The following CDK19 variants were observed in gnomAD, a reference collection of about 807,000 sequenced individuals.
CDK19 encodes the protein cyclin dependent kinase 19.
Under a neutral mutation model 68.3 loss-of-function variants are expected in CDK19, and 20 were observed. That is an observed-to-expected ratio of 0.29 (90% CI 0.21 to 0.43). CDK19 has a LOEUF of 0.43. CDK19 is among the 20% of genes least tolerant of loss of function. CDK19 has a pLI of 1.00. For missense variants in CDK19, 339 were observed against 623.5 expected, an observed-to-expected ratio of 0.54 and a Z score of 4.86; for synonymous variants, 221 against 222.8, an observed-to-expected ratio of 0.99 and a Z score of 0.07.
chr6:110,669,017 A>G (rs1770762627), intron 3 of CDK19, among the ~76,000 whole-genome samples: 1 of 152,214 alleles, frequency 6.6e-6, no homozygotes, highest in Non-Finnish European at 1.5e-5. Flanking sequence ...ACAGTTCTAC[A>G]GGATCTGACT....
rs1334282844 is a variant in CDK19, at chr6:110,718,134, T to C, written c.204+27992A>G. Among the ~76,000 whole-genome samples, 13 of 152,294 alleles carry C rather than the reference T, an allele frequency of 8.5e-5. No individual in the cohort carries two copies. The South Asian group carries it at 2.7e-3, about 32-fold the overall frequency. On this transcript the variant is annotated intron_variant, in intron 2 of 12. Coordinates refer to ENST00000368911, the MANE Select transcript of CDK19 (RefSeq NM_015076.5). ...CTTGATCTTGACCCCAAATTTCTGT[T>C]GCCTGTAAGTTACCCAGTCCAAAGT...
chr6:110,790,546 A>G (rs979430114), intron 1 of CDK19, among the ~76,000 whole-genome samples: 32 of 152,204 alleles, frequency 2.1e-4, no homozygotes, highest in South Asian at 1.7e-3. Flanking sequence ...AAAAATAATA[A>G]AATAAAATAA....
chr6:110,624,219 G>C, intron 8 of CDK19, among the ~76,000 whole-genome samples: 1 of 151,996 alleles, frequency 6.6e-6, no homozygotes. Flanking sequence ...AGAACACTCA[G>C]AGTCTACCCT....
chr6:110,705,707 A>G (rs1224671075), intron 2 of CDK19, among the ~76,000 whole-genome samples: 1 of 152,216 alleles, frequency 6.6e-6, no homozygotes, highest in Non-Finnish European at 1.5e-5. Context: ...GCGGAAACAG[A>G]TAACAATTTC....
chr6:110,622,735 G>T, intron 10 of CDK19, 80 bp downstream of exon 10: 1 of 872,706 alleles, frequency 1.1e-6, no homozygotes, highest in Non-Finnish European at 2.0e-6. Context: ...TACTTCAGTA[G>T]CAAGTGCTTC....
chr6:110,726,611 C>T (rs1360787426), intron 2 of CDK19, among the ~76,000 whole-genome samples: 1 of 152,080 alleles, frequency 6.6e-6, no homozygotes, highest in African/African-American at 2.4e-5. Flanking sequence ...GTGGTTTGGA[C>T]TTATAATTTT....
chr6:110,747,199 T>G (rs1778138184), intron 1 of CDK19, among the ~76,000 whole-genome samples: 1 of 152,186 alleles, frequency 6.6e-6, no homozygotes, highest in African/African-American at 2.4e-5. Context: ...TTTTCCCCAT[T>G]CTATGTTTAC....
chr6:110,778,200 G>T (rs1389973121), intron 1 of CDK19, among the ~76,000 whole-genome samples: 1 of 151,822 alleles, frequency 6.6e-6, no homozygotes, highest in African/African-American at 2.4e-5. Context: ...ATCTAAAAAA[G>T]GAATTGCAAA....
intron 1 of CDK19, among the ~76,000 whole-genome samples, chr6:110,788,990 G>C (rs1429838734): frequency 6.6e-6 from 1 of 152,126 alleles, no homozygotes; most frequent in East Asian, 1.9e-4. Context: ...AGAACCACAA[G>C]TGATCACTTT....
intron 6 of CDK19, among the ~76,000 whole-genome samples, chr6:110,629,758 A>G (rs1276571487): frequency 1.3e-5 from 2 of 152,182 alleles, no homozygotes; most frequent in African/African-American, 4.8e-5. Flanking sequence ...AAGCCCTAAG[A>G]TAACTGATTT....
chr6:110,730,962 G>A (rs773710245), intron 2 of CDK19, among the ~76,000 whole-genome samples: 2 of 152,016 alleles, frequency 1.3e-5, no homozygotes, highest in African/African-American at 2.4e-5. Flanking sequence ...TGAGGCAGGA[G>A]AATCATTTGA....
intron 8 of CDK19, among the ~76,000 whole-genome samples, chr6:110,624,323 G>T (rs1778950225): frequency 6.6e-6 from 1 of 151,610 alleles, no homozygotes; most frequent in Admixed American, 6.6e-5. Flanking sequence ...GAGCAAAGGG[G>T]TATTCATTTT....
chr6:110,734,520 G>GCGCT (rs1554214772), intron 2 of CDK19, among the ~76,000 whole-genome samples: 8 of 85,734 alleles, frequency 9.3e-5, no homozygotes, highest in Non-Finnish European at 1.9e-4. Flanking sequence ...GGTGAGCACT[G>GCGCT]CTCTCTCTCT....
At chr6:110,690,634 A>T (rs1288500122) in intron 2 of CDK19, among the ~76,000 whole-genome samples, 1 of 152,240 alleles carries the variant, frequency 6.6e-6, no homozygotes, top group Admixed American at 6.5e-5. Context: ...CCACAAAGGA[A>T]TAAGATAAGC....
chr6:110,672,097 T>C (rs1373285268), intron 2 of CDK19, among the ~76,000 whole-genome samples: 1 of 152,180 alleles, frequency 6.6e-6, no homozygotes, highest in Non-Finnish European at 1.5e-5. Flanking sequence ...GCAAACCCTG[T>C]TTTTAATGAC....
intron 3 of CDK19, among the ~76,000 whole-genome samples, chr6:110,669,041 A>G (rs890482962): frequency 6.6e-6 from 1 of 152,220 alleles, no homozygotes; most frequent in Non-Finnish European, 1.5e-5. Flanking sequence ...CCAATGTACA[A>G]CATCATCTTC....
chr6:110,736,221 A>G (rs1777243110), intron 2 of CDK19, among the ~76,000 whole-genome samples: 2 of 152,164 alleles, frequency 1.3e-5, no homozygotes, highest in South Asian at 4.1e-4. Context: ...CATGCCTGTA[A>G]TGCCAGCTAC....
intron 4 of CDK19, among the ~76,000 whole-genome samples, chr6:110,639,606 T>C (rs1780002149): frequency 6.6e-6 from 1 of 152,322 alleles, no homozygotes; most frequent in South Asian, 2.1e-4. Context: ...GCTAGTGCTA[T>C]GTATGAGTTA....
At chr6:110,774,908 C>T (rs192660515) in intron 1 of CDK19, among the ~76,000 whole-genome samples, 3 of 152,174 alleles carry the variant, frequency 2.0e-5, no homozygotes, top group East Asian at 1.9e-4. Context: ...CTGATCACAC[C>T]ACTACACTCC....
Sources: gnomAD v4.1 joint callset for allele counts (sites outside exome capture counted in the v4.1 genomes callset) on GRCh38, gnomAD v4.1.1 for gene constraint, MANE v1.5 for transcripts, NCBI Gene and HGNC (gene_info 2026-07-23, HGNC 2026-07-21) for gene names.